The following HPCAL1 variants were observed in gnomAD, a reference collection of about 807,000 sequenced individuals.
HPCAL1 encodes hippocalcin-like protein 1.
A neutral mutation model predicts 17.1 loss-of-function variants in HPCAL1; 8 were observed. The ratio of observed to expected loss-of-function variants is 0.47; its 90% CI spans 0.27 to 0.84. The LOEUF is 0.84. Among genes scored for constraint, HPCAL1 ranks in the 40% least tolerant of loss-of-function variants. The probability of loss-of-function intolerance (pLI) is 0.13; values close to 1 mark genes in which losing one functional copy is unlikely to be tolerated. For missense variants in HPCAL1, 165 were observed against 271.1 expected, an observed-to-expected ratio of 0.61 and a Z score of 2.75; for synonymous variants, 112 against 111.4, an observed-to-expected ratio of 1.01 and a Z score of -0.03.
chr2:10,349,702 C>CAAAAAAAAA (rs55897775), intron 1 of HPCAL1, among the ~76,000 whole-genome samples: 25 of 52,732 alleles, frequency 4.7e-4, no homozygotes, highest in African/African-American at 1.2e-3. Context: ...GACTCTGTCT[C>CAAAAAAAAA]AAAAAAAAAA....
chr2:10,410,192 C>A (rs1010045621), intron 2 of HPCAL1, among the ~76,000 whole-genome samples: 1 of 152,144 alleles, frequency 6.6e-6, no homozygotes, highest in Non-Finnish European at 1.5e-5. Context: ...GGGGATCTGA[C>A]TGATGAAAGC....
chr2:10,382,612 AAG>A (rs1668032705), intron 1 of HPCAL1, among the ~76,000 whole-genome samples: 1 of 150,458 alleles, frequency 6.6e-6, no homozygotes, highest in Non-Finnish European at 1.5e-5. Flanking sequence ...AAAAAAAAAA[AAG>A]GGAAATGACC....
intron 2 of HPCAL1, among the ~76,000 whole-genome samples, chr2:10,411,973 G>C (rs1670386466): frequency 6.6e-6 from 1 of 152,206 alleles, no homozygotes; most frequent in Non-Finnish European, 1.5e-5. Context: ...CTTTGGAGAT[G>C]GGGCTGGGGT....
At chr2:10,309,599 C>T (rs1296421137) in intron 1 of HPCAL1, among the ~76,000 whole-genome samples, 1 of 152,090 alleles carries the variant, frequency 6.6e-6, no homozygotes, top group Non-Finnish European at 1.5e-5. Context: ...ACAGTGTTGC[C>T]CCAGTACCTA....
chr2:10,422,920 C>A, intron 3 of HPCAL1, 63 bp from the exon 4 acceptor site: 2 of 1,226,936 alleles, frequency 1.6e-6, no homozygotes, highest in Non-Finnish European at 2.4e-6. Context: ...CGGAAGCCCA[C>A]CCTTGCTGCA....
chr2:10,351,596 T>C (rs1047616787), intron 1 of HPCAL1, among the ~76,000 whole-genome samples: 3 of 151,972 alleles, frequency 2.0e-5, no homozygotes, highest in South Asian at 2.1e-4. Context: ...CTGTCTCTAC[T>C]AAAAAGAAAA....
intron 2 of HPCAL1, among the ~76,000 whole-genome samples, chr2:10,399,448 T>TCACCACCAC (rs1385988233): frequency 5.7e-5 from 1 of 17,434 alleles, no homozygotes; most frequent in South Asian, 2.2e-3. Context: ...ACCATCACCA[T>TCACCACCAC]CACCACCACC....
At chr2:10,364,410 C>A (rs577490402) in intron 1 of HPCAL1, among the ~76,000 whole-genome samples, 156 of 152,270 alleles carry the variant, frequency 1.0e-3, no homozygotes, top group Non-Finnish European at 1.7e-3. Context: ...AAGGGAGGGG[C>A]CCCAAGGCCA....
chr2:10,424,044 G>A (rs953990448), intron 4 of HPCAL1: 5 of 159,238 alleles, frequency 3.1e-5, no homozygotes, highest in African/African-American at 1.2e-4. Flanking sequence ...AGTGAGCCGA[G>A]ATCGCACCAC....
In HPCAL1 at chr2:10,355,237, G is replaced by C. The variant is rs527443829; in HGVS notation, c.-110-41598G>C. ...GAGGCCGAGGCGGGCGGATCACGAG[G>C]TCAGGAGATCGAGACCATCCTGGCT... On this transcript the variant is annotated intron_variant, in intron 1 of 4. Coordinates refer to ENST00000307845, the MANE Select transcript of HPCAL1 (RefSeq NM_002149.4). 3.9e-3 allele frequency among the ~76,000 whole-genome samples: 600 copies of C among 151,926 alleles called. 12 individuals are homozygous for C. The highest frequency in any genetic ancestry group is 2.8e-3 in the Non-Finnish European group (188 of 67,914).
chr2:10,419,959 G>A lies in HPCAL1; in HGVS notation c.202G>A (p.Val68Ile), dbSNP rs1670931983. ...YGDASKFAEH[V>I]FRTFDTNGDG... Reference sequence around the variant, plus strand: ...CGACGCTTCCAAGTTCGCCGAGCACGTCTTCCGCACCTTCGACACCAACGG... The same window carrying A: ...CGACGCTTCCAAGTTCGCCGAGCACATCTTCCGCACCTTCGACACCAACGG... Residue 68 changes from valine to isoleucine, a missense_variant, in exon 3 of 5, where the codon GTC becomes ATC. Transcript: ENST00000307845. The surrounding 1 kb of genome is among the most constrained non-coding windows in gnomAD (Gnocchi z 5.0). 6.2e-7 allele frequency: 1 copy of A among 1,613,980 alleles called. No homozygotes were observed. Among genetic ancestry groups the A allele is most frequent in the Admixed American group, 1.7e-5 (1 of 60,022 alleles).
At chr2:10,376,136 G>A (rs925398535) in intron 1 of HPCAL1, among the ~76,000 whole-genome samples, 5 of 152,152 alleles carry the variant, frequency 3.3e-5, no homozygotes, top group Non-Finnish European at 5.9e-5. Context: ...CACCATGATC[G>A]TAAGCTACAC....
At chr2:10,379,042 T>G (rs543673809) in intron 1 of HPCAL1, among the ~76,000 whole-genome samples, 17 of 152,086 alleles carry the variant, frequency 1.1e-4, no homozygotes, top group Non-Finnish European at 2.2e-4. Flanking sequence ...TTAAAAATAT[T>G]TGCGGTCGGG....
rs1663844500 is a variant in HPCAL1, at chr2:10,324,188, T to C, written c.-111+21011T>C. On this transcript the variant is annotated intron_variant, in intron 1 of 4. Coordinates refer to ENST00000307845, the MANE Select transcript of HPCAL1 (RefSeq NM_002149.4). ...TAAAATAAATTAAATGCAAATACTG[T>C]TTCATTGTCATGTCAGTTTTGAGAA... Among the ~76,000 whole-genome samples, 5 of 152,366 alleles carry C rather than the reference T, an allele frequency of 3.3e-5. No homozygotes were observed. The South Asian group carries it at 8.3e-4, about 25-fold the overall frequency.
chr2:10,318,888 C>G (rs1021049928), intron 1 of HPCAL1, among the ~76,000 whole-genome samples: 2 of 152,198 alleles, frequency 1.3e-5, no homozygotes, highest in Non-Finnish European at 2.9e-5. Flanking sequence ...TAGCACCCAC[C>G]CGTGCCTTCT....
intron 1 of HPCAL1, among the ~76,000 whole-genome samples, chr2:10,357,642 C>A (rs1666243658): frequency 6.6e-6 from 1 of 152,184 alleles, no homozygotes; most frequent in Non-Finnish European, 1.5e-5. Flanking sequence ...AGCCGATGTT[C>A]TTGTAAATAT....
rs1665301732 is a variant in HPCAL1, at chr2:10,344,750, TCTCC to T, written c.-111+41577_-111+41580del. Among the ~76,000 whole-genome samples the T allele has an allele frequency of 6.6e-6, 1 of 152,174 alleles. No homozygotes were observed. Among genetic ancestry groups the T allele is most frequent in the Non-Finnish European group, 1.5e-5 (1 of 68,038 alleles). On this transcript the variant is annotated intron_variant, in intron 1 of 4. Coordinates refer to ENST00000307845, the MANE Select transcript of HPCAL1 (RefSeq NM_002149.4). This position sits in a 1 kb window ranked among gnomAD's most constrained non-coding sequence, Gnocchi z 4.9. ...GTCTGTCTCTATGTGTCTGTTTCTC[TCTCC>T]CTCTTTCTGTGTGTGTCTCTCTCTG...
chr2:10,424,255 T>A, intron 4 of HPCAL1: 1 of 343,580 alleles, frequency 2.9e-6, no homozygotes, highest in South Asian at 2.2e-5. Flanking sequence ...GCAAAGAGCA[T>A]TCCAGGCAGC....
At chr2:10,325,174 CT>C (rs1224521570) in intron 1 of HPCAL1, among the ~76,000 whole-genome samples, 1 of 152,024 alleles carries the variant, frequency 6.6e-6, no homozygotes, top group East Asian at 1.9e-4. Context: ...GAGAGAGGGT[CT>C]CGCTCTGTGG....
Sources: gnomAD v4.1 joint callset for allele counts (sites outside exome capture counted in the v4.1 genomes callset) on GRCh38, gnomAD v4.1.1 for gene constraint, Gnocchi (gnomAD v3.1) non-coding constraint, MANE v1.5 for transcripts, NCBI Gene and HGNC (gene_info 2026-07-23, HGNC 2026-07-21) for gene names.